C2orf42: variants seen among roughly 807,000 people sequenced by gnomAD.
The protein encoded by C2orf42 is uncharacterized protein C2orf42.
In C2orf42, 44 loss-of-function variants were observed where a neutral mutation model predicts 58.9. The observed-to-expected ratio is 0.75, with a 90% confidence interval of 0.59 to 0.96. The LOEUF is 0.96. Among genes scored for constraint, C2orf42 ranks in the 40% least tolerant of loss-of-function variants. The pLI, the probability that C2orf42 is intolerant of heterozygous loss-of-function variation, is 0.00. For synonymous variants in C2orf42, 239 were observed against 265.4 expected (o/e 0.90, Z 0.97); for missense variants, 630 against 699.2 (o/e 0.90, Z 1.12).
intron 1 of C2orf42, among the ~76,000 whole-genome samples, chr2:70,189,262 C>T (rs1351413684): frequency 3.3e-5 from 5 of 151,216 alleles, no homozygotes; most frequent in Non-Finnish European, 5.9e-5. Context: ...CAAAATTAGC[C>T]GGGCGTGGTG....
At position 70,168,582 on chromosome 2, in the gene C2orf42, C is replaced by T. The variant is rs558482259; in HGVS notation, c.1144+975G>A. On this transcript the variant is annotated intron_variant, in intron 6 of 9. Coordinates refer to ENST00000264434, the MANE Select transcript of C2orf42 (RefSeq NM_017880.3). Reference sequence around the variant, plus strand: ...GGATTACAGGCATGAGCCACCGCACCCGGCTGCTAATAGGATACTTTTAAG... The same window carrying T: ...GGATTACAGGCATGAGCCACCGCACTCGGCTGCTAATAGGATACTTTTAAG... 2.0e-5 allele frequency among the ~76,000 whole-genome samples: 3 copies of T among 151,542 alleles called. No individual in the cohort carries two copies. The South Asian group carries it at 6.2e-4, about 32-fold the overall frequency.
At chr2:70,153,675 T>TTA (rs1553404068) in intron 9 of C2orf42, among the ~76,000 whole-genome samples, 8 of 135,372 alleles carry the variant, frequency 5.9e-5, no homozygotes, top group Non-Finnish European at 9.5e-5. Flanking sequence ...AACAGGAAAT[T>TTA]AAAAAAAAAA....
intron 8 of C2orf42, among the ~76,000 whole-genome samples, chr2:70,164,392 A>G (rs1393740010): frequency 6.6e-6 from 1 of 152,042 alleles, no homozygotes; most frequent in Non-Finnish European, 1.5e-5. Flanking sequence ...ATGCCTTGTA[A>G]TCCCAGCAGT....
At chr2:70,159,802 CTGGGATT>C (rs1184661272) in intron 9 of C2orf42, among the ~76,000 whole-genome samples, 1 of 152,008 alleles carries the variant, frequency 6.6e-6, no homozygotes, top group Non-Finnish European at 1.5e-5. Context: ...CCCCAAAGCT[CTGGGATT>C]ACAGGCATAA....
rs770765145 is a variant in C2orf42, at chr2:70,160,580, A to G, written c.1516+45T>C. ...CTTTGGACAGTGTACTGTACTGTTC[A>G]CCAGCTGACACTCAAAGGAAGATGC... is the stretch of plus-strand genomic sequence containing the variant. On this transcript the variant is annotated intron_variant, in intron 9 of 9. Coordinates refer to ENST00000264434, the MANE Select transcript of C2orf42 (RefSeq NM_017880.3). 1.3e-5 allele frequency: 19 copies of G among 1,432,660 alleles called. No homozygotes were observed. The South Asian group carries it at 2.4e-4, about 18-fold the overall frequency. 88.7% of individuals were successfully genotyped at this position (1,432,660 alleles called of 1,614,324 possible). A position where few individuals can be genotyped will look rare whatever the true frequency, so the allele number is the denominator to read the frequency against.
chr2:70,168,290 CTTT>C (rs374244702), intron 6 of C2orf42, among the ~76,000 whole-genome samples: 8 of 132,064 alleles, frequency 6.1e-5, no homozygotes, highest in Non-Finnish European at 6.4e-5. Flanking sequence ...CTATAGGATC[CTTT>C]TTTTTTTTTT....
chr2:70,179,392 G>C (rs112099363), intron 4 of C2orf42, 140 bp downstream of exon 4: 563 of 324,300 alleles, frequency 1.7e-3, no homozygotes, highest in Non-Finnish European at 2.7e-3. Flanking sequence ...AAGATGGTAA[G>C]ACCCCTGTCT....
intron 8 of C2orf42, among the ~76,000 whole-genome samples, chr2:70,163,845 C>CT (rs1673221000): frequency 6.6e-6 from 1 of 151,524 alleles, no homozygotes; most frequent in Non-Finnish European, 1.5e-5. Context: ...GCAAGAGACT[C>CT]TGTCTCCAAA....
rs1673295206 is a variant in C2orf42 at position 70,164,844 on chromosome 2, GT to G, written c.1353+247del. ...TTATTTAATTTATAAGAAAAATTAT[GT>G]TTTTTTAATCCCAAAGGCAAAGGAA... On this transcript the variant is annotated intron_variant, in intron 8 of 9. Transcript: ENST00000264434. Among the ~76,000 whole-genome samples, 5 of 151,886 alleles carry G rather than the reference GT, an allele frequency of 3.3e-5. No homozygotes were observed. In the East Asian group the frequency reaches 7.7e-4, roughly 23 times the overall value.
chr2:70,157,722 G>A (rs1171815249), intron 9 of C2orf42, among the ~76,000 whole-genome samples: 2 of 150,538 alleles, frequency 1.3e-5, no homozygotes, highest in African/African-American at 2.4e-5. Context: ...ACTTGAACCC[G>A]GGAGGCGGAG....
chr2:70,159,970 A>C (rs1254044207), intron 9 of C2orf42, among the ~76,000 whole-genome samples: 1 of 152,186 alleles, frequency 6.6e-6, no homozygotes, highest in Non-Finnish European at 1.5e-5. Context: ...CAAGAGCAGC[A>C]AAAAAATAAT....
intron 8 of C2orf42, among the ~76,000 whole-genome samples, chr2:70,161,498 T>A (rs1036322058): frequency 2.0e-5 from 3 of 152,140 alleles, no homozygotes; most frequent in Non-Finnish European, 4.4e-5. Flanking sequence ...CAAGTGTTTT[T>A]AATGCCAACA....
intron 9 of C2orf42, among the ~76,000 whole-genome samples, chr2:70,155,754 T>C (rs1426826454): frequency 3.9e-4 from 58 of 149,972 alleles, no homozygotes; most frequent in African/African-American, 1.3e-3. Flanking sequence ...GAGCCGAGAT[T>C]GCGCCACTGC....
intron 9 of C2orf42, among the ~76,000 whole-genome samples, chr2:70,158,378 T>A (rs1254524330): frequency 2.0e-5 from 3 of 152,142 alleles, no homozygotes; most frequent in Non-Finnish European, 4.4e-5. Context: ...GATAATAACT[T>A]TAAATGTTAT....
At chr2:70,168,563 C>T (rs1373663470) in intron 6 of C2orf42, among the ~76,000 whole-genome samples, 1 of 150,772 alleles carries the variant, frequency 6.6e-6, no homozygotes, top group East Asian at 2.0e-4. Context: ...GCTGGGATTA[C>T]AGGCATGAGC....
intron 8 of C2orf42, among the ~76,000 whole-genome samples, chr2:70,162,494 A>G (rs1317759391): frequency 1.3e-5 from 2 of 151,888 alleles, no homozygotes; most frequent in Non-Finnish European, 2.9e-5. Flanking sequence ...CTAAAAATAC[A>G]AATTAGCTGG....
At chr2:70,150,701 G>GT in intron 9 of C2orf42, 137 bp from the exon 10 acceptor site, 1 of 634,456 alleles carries the variant, frequency 1.6e-6, no homozygotes, top group African/African-American at 1.8e-5. Flanking sequence ...TATAAATTCA[G>GT]TGGTGATTGG....
intron 9 of C2orf42, among the ~76,000 whole-genome samples, chr2:70,150,931 G>C (rs1041975458): frequency 3.9e-5 from 6 of 152,162 alleles, no homozygotes; most frequent in African/African-American, 1.4e-4. Context: ...ATTTTTAGTA[G>C]AGATGGGGTT....
chr2:70,153,306 ATCATGCAGGAGTGG>A (rs1303266022), intron 9 of C2orf42, among the ~76,000 whole-genome samples: 1 of 151,840 alleles, frequency 6.6e-6, no homozygotes, highest in Non-Finnish European at 1.5e-5. Flanking sequence ...GGAGCCAGCC[ATCATGCAGGAGTGG>A]TCCCAAGCAA....
Sources: gnomAD v4.1 joint callset for allele counts (sites outside exome capture counted in the v4.1 genomes callset) on GRCh38, gnomAD v4.1.1 for gene constraint, MANE v1.5 for transcripts, NCBI Gene and HGNC (gene_info 2026-07-23, HGNC 2026-07-21) for gene names.